The following ADD2 variants were observed in gnomAD, a reference collection of about 807,000 sequenced individuals.
ADD2 encodes adducin 2.
A neutral mutation model predicts 83.0 loss-of-function variants in ADD2; 23 were observed. The ratio of observed to expected loss-of-function variants is 0.28; its 90% CI spans 0.20 to 0.39. The LOEUF is 0.39. Ranked by LOEUF, ADD2 falls within the 10% of genes least tolerant of loss-of-function variation. The probability of loss-of-function intolerance (pLI) is 1.00; values close to 1 mark genes in which losing one functional copy is unlikely to be tolerated. For synonymous variants in ADD2, 375 were observed against 375.4 expected, an observed-to-expected ratio of 1.00 and a Z score of 0.01; for missense variants, 758 against 944.9, an observed-to-expected ratio of 0.80 and a Z score of 2.59.
At position 70,692,415 on chromosome 2, in the gene ADD2, C is replaced by T. The variant is rs782048966; in HGVS notation, c.693G>A (p.Pro231=). The T allele has an allele frequency of 3.4e-5, 54 of 1,572,832 alleles. No homozygotes were observed. The highest frequency in any genetic ancestry group is 2.2e-4 in the Admixed American group (12 of 53,984). The change falls in exon 7 of 16, where the codon CCG becomes CCA. Residue 231 remains proline, a synonymous_variant. Coordinates refer to ENST00000264436, the MANE Select transcript of ADD2 (RefSeq NM_001617.4). ...GGAGTCCACTCACCGCTGCTGTGGC[C>T]GGTGTGTGCAGGTGGATGATGCAGC... ...DVRCIIHLHT[P]ATAAVSAMKW...
Position 70,683,710 on chromosome 2 carries a change from TCTC to T in ADD2, c.1003_1005del (p.Glu335del), listed in dbSNP as rs575373663. Reference sequence around the variant, plus strand: ...GAGCCCACCTCATGGGGCCGGTGCTTCTCCTGCTCCAGGAGGATGAGGTTCTCC... The same window carrying T: ...GAGCCCACCTCATGGGGCCGGTGCTTCTGCTCCAGGAGGATGAGGTTCTCC... On this transcript the variant is annotated inframe_deletion, in exon 10 of 16. Transcript: ENST00000264436. 1,176 of 1,614,124 alleles carry T rather than the reference TCTC, an allele frequency of 7.3e-4. No individual in the cohort carries two copies. Among genetic ancestry groups the T allele is most frequent in the Non-Finnish European group, 9.1e-4 (1,079 of 1,180,002 alleles).
At chr2:70,671,208 A>G (rs1382997683) in intron 15 of ADD2, among the ~76,000 whole-genome samples, 2 of 152,202 alleles carry the variant, frequency 1.3e-5, no homozygotes, top group African/African-American at 4.8e-5. Context: ...TGCATTAGGA[A>G]GAGGGGTAGG....
At chr2:70,760,404 G>T (rs1353452332) in intron 1 of ADD2, among the ~76,000 whole-genome samples, 2 of 152,088 alleles carry the variant, frequency 1.3e-5, no homozygotes, top group Admixed American at 1.3e-4. Flanking sequence ...GCAAAGTAGG[G>T]CTCCAAATAT....
At chr2:70,715,717 T>A (rs1672426832) in intron 1 of ADD2, among the ~76,000 whole-genome samples, 1 of 152,120 alleles carries the variant, frequency 6.6e-6, no homozygotes, top group African/African-American at 2.4e-5. Flanking sequence ...AACCTGCAAA[T>A]GGACCATCAC....
At chr2:70,698,593 G>A (rs1671425800) in intron 4 of ADD2, among the ~76,000 whole-genome samples, 1 of 152,166 alleles carries the variant, frequency 6.6e-6, no homozygotes, top group Non-Finnish European at 1.5e-5. Context: ...ATAAATAAAT[G>A]ATAAGTGTTT....
intron 1 of ADD2, among the ~76,000 whole-genome samples, chr2:70,736,183 A>G (rs1673549417): frequency 6.6e-6 from 1 of 152,194 alleles, no homozygotes; most frequent in Non-Finnish European, 1.5e-5. Context: ...GTCTCCCATC[A>G]CATAAAGACT....
intron 15 of ADD2, among the ~76,000 whole-genome samples, chr2:70,669,492 T>G (rs1445750827): frequency 2.6e-5 from 4 of 152,340 alleles, no homozygotes; most frequent in Admixed American, 2.0e-4. Context: ...AAGTAGAGCT[T>G]CTCATAAATG....
intron 1 of ADD2, among the ~76,000 whole-genome samples, chr2:70,714,306 A>G (rs1026951249): frequency 2.6e-5 from 4 of 152,042 alleles, no homozygotes; most frequent in Admixed American, 6.5e-5. Flanking sequence ...CCACCTGCCC[A>G]TGGCTCTGGC....
intron 9 of ADD2, among the ~76,000 whole-genome samples, chr2:70,686,661 T>A (rs1160299984): frequency 3.3e-5 from 5 of 151,350 alleles, no homozygotes; most frequent in African/African-American, 4.9e-5. Context: ...AAAGGGAGAG[T>A]AGCTTCCCGG....
Position 70,768,052 on chromosome 2 carries a change from C to CCCCAGCAGTG in ADD2, c.-330_-321dup, listed in dbSNP as rs1675501964. Reference sequence around the variant, plus strand: ...CGCTCGTCAGAGCTGCTGGGAGATCCCCCAGCAGTGCAGCGGCTCCGCGGC... The same window carrying CCCCAGCAGTG: ...CGCTCGTCAGAGCTGCTGGGAGATCCCCCAGCAGTGCCCAGCAGTGCAGCGGCTCCGCGGC... On this transcript the variant is annotated 5_prime_UTR_variant, in exon 1 of 16. Transcript: ENST00000264436. 2.2e-6 allele frequency: 3 copies of CCCCAGCAGTG among 1,357,448 alleles called. No individual in the cohort carries two copies. The East Asian group carries it at 7.6e-5, about 34-fold the overall frequency. 84.1% of individuals were successfully genotyped at this position (1,357,448 alleles called of 1,614,324 possible).
intron 1 of ADD2, among the ~76,000 whole-genome samples, chr2:70,737,262 AG>A (rs1264285834): frequency 2.6e-5 from 4 of 152,218 alleles, no homozygotes; most frequent in African/African-American, 9.6e-5. Flanking sequence ...ACTGCTATAA[AG>A]GCACATGCAC....
chr2:70,713,533 T>C (rs1408728070), intron 1 of ADD2, among the ~76,000 whole-genome samples: 6 of 152,018 alleles, frequency 3.9e-5, no homozygotes, highest in African/African-American at 1.5e-4. Context: ...ATTGCTTGAA[T>C]CCGGGAGGTG....
intron 1 of ADD2, among the ~76,000 whole-genome samples, chr2:70,760,082 G>A (rs1211171850): frequency 6.6e-6 from 1 of 152,194 alleles, no homozygotes; most frequent in Non-Finnish European, 1.5e-5. Context: ...AGTCCTTAAA[G>A]AATCTAGGCC....
At position 70,696,299 on chromosome 2, in the gene ADD2, G is replaced by A. The variant is rs1489829747; in HGVS notation, c.420C>T (p.Val140=). 6.2e-7 allele frequency: 1 copy of A among 1,613,840 alleles called. No homozygotes were observed. Among genetic ancestry groups the A allele is most frequent in the East Asian group, 2.2e-5 (1 of 44,884 alleles). Reference sequence around the variant, plus strand: ...AGCCATAGAGGTCCAGGAGTCGGTAGACACTGCTGATCTTGCACCGCATGA... The same window carrying A: ...AGCCATAGAGGTCCAGGAGTCGGTAAACACTGCTGATCTTGCACCGCATGA... ...ERLMRCKISS[V]YRLLDLYGWA... Residue 140 remains valine (V), a synonymous_variant, in exon 5 of 16, where the codon GTC becomes GTT. Transcript: ENST00000264436.
intron 4 of ADD2, among the ~76,000 whole-genome samples, chr2:70,702,189 T>C (rs1440543103): frequency 6.6e-6 from 1 of 152,212 alleles, no homozygotes; most frequent in Admixed American, 6.5e-5. Flanking sequence ...TTTTTTGAGA[T>C]GGAATCTTGC....
chr2:70,683,288 G>C (rs1259531931), intron 10 of ADD2, among the ~76,000 whole-genome samples: 2 of 152,040 alleles, frequency 1.3e-5, no homozygotes, highest in Non-Finnish European at 2.9e-5. Context: ...CGGCCTCCCA[G>C]AGTGCTGGGA....
At chr2:70,747,258 TC>T (rs1674259023) in intron 1 of ADD2, among the ~76,000 whole-genome samples, 1 of 151,956 alleles carries the variant, frequency 6.6e-6, no homozygotes, top group Non-Finnish European at 1.5e-5. Flanking sequence ...GATCCACCTG[TC>T]TCGGCCTCCC....
At chr2:70,727,058 CGATCAGTAGTG>C (rs1208577322) in intron 1 of ADD2, among the ~76,000 whole-genome samples, 1 of 152,170 alleles carries the variant, frequency 6.6e-6, no homozygotes, top group Admixed American at 6.5e-5. Flanking sequence ...AGGCTTTGAT[CGATCAGTAGTG>C]GCTACCTAGA....
intron 1 of ADD2, among the ~76,000 whole-genome samples, chr2:70,752,259 T>C (rs1674543114): frequency 6.6e-6 from 1 of 152,148 alleles, no homozygotes; most frequent in Non-Finnish European, 1.5e-5. Flanking sequence ...TTTTAGGTCA[T>C]TAACTGCAGG....
Sources: gnomAD v4.1 joint callset for allele counts (sites outside exome capture counted in the v4.1 genomes callset) on GRCh38, gnomAD v4.1.1 for gene constraint, MANE v1.5 for transcripts, NCBI Gene and HGNC (gene_info 2026-07-23, HGNC 2026-07-21) for gene names.